The following CHPT1 variants were observed in gnomAD, a reference collection of about 807,000 sequenced individuals.
The protein encoded by CHPT1 is choline phosphotransferase 1.
CHPT1 carries 36 observed loss-of-function variants against 47.6 expected under a neutral mutation model. The ratio of observed to expected loss-of-function variants is 0.76; its 90% CI spans 0.58 to 1.00. The LOEUF is 1.00. Ranked by LOEUF, CHPT1 falls within the 50% of genes least tolerant of loss-of-function variation. The probability of loss-of-function intolerance (pLI) is 0.00; values close to 1 mark genes in which losing one functional copy is unlikely to be tolerated. For synonymous variants in CHPT1, 194 were observed against 186.3 expected (o/e 1.04, Z -0.33); for missense variants, 458 against 498.1 (o/e 0.92, Z 0.77).
Position 101,700,125 on chromosome 12 carries a change from G to C in CHPT1, c.273+1991G>C, listed in dbSNP as rs551640893. ...TGATTGGGTCCAGATTTAGCTAACA[G>C]CATTTGAATGTTTCTGATATTGGCC... is the stretch of plus-strand genomic sequence containing the variant. On this transcript the variant is annotated intron_variant, in intron 1 of 8. Transcript: ENST00000229266. 2.0e-5 allele frequency among the ~76,000 whole-genome samples: 3 copies of C among 152,230 alleles called. No homozygotes were observed. The South Asian group carries it at 6.2e-4, about 32-fold the overall frequency.
chr12:101,704,613 C>G (rs1951605317), intron 1 of CHPT1, among the ~76,000 whole-genome samples: 1 of 147,128 alleles, frequency 6.8e-6, no homozygotes, highest in Non-Finnish European at 1.5e-5. Flanking sequence ...GTTGGTCAGG[C>G]TGGGCTCGAA....
chr12:101,713,618 T>A (rs1951724211), intron 1 of CHPT1, among the ~76,000 whole-genome samples: 1 of 151,780 alleles, frequency 6.6e-6, no homozygotes, highest in Non-Finnish European at 1.5e-5. Context: ...GTTTGAAAAC[T>A]GTTTTTTGTT....
rs12300730 is a variant in CHPT1 at position 101,715,663 on chromosome 12, A to G, written c.563+1018A>G. ...AAATCTACAGCTCAGGAAAAAATGT[A>G]GATTGGAGATAAGGATTTAGAAGTC... On this transcript the variant is annotated intron_variant, in intron 3 of 8. Transcript: ENST00000229266. Among the ~76,000 whole-genome samples, 894 of 152,328 alleles carry G rather than the reference A, an allele frequency of 5.9e-3. 6 individuals are homozygous for G. The highest frequency in any genetic ancestry group is 0.021 in the African/African-American group (858 of 41,574).
intron 4 of CHPT1, 29 bp downstream of exon 4, chr12:101,716,841 A>G: frequency 7.4e-7 from 1 of 1,346,050 alleles, no homozygotes; most frequent in South Asian, 1.4e-5. Flanking sequence ...ATTTATATTT[A>G]AGTACTTTTC....
chr12:101,720,062 A>T, intron 4 of CHPT1, 61 bp from the exon 5 acceptor site: 2 of 1,176,464 alleles, frequency 1.7e-6, no homozygotes, highest in Non-Finnish European at 2.4e-6. Flanking sequence ...ATGTTTCTTT[A>T]TTATTTAATA....
chr12:101,710,105 G>A (rs530999010), intron 1 of CHPT1, among the ~76,000 whole-genome samples: 1 of 149,314 alleles, frequency 6.7e-6, no homozygotes, highest in African/African-American at 2.4e-5. Context: ...AGCACTTTGG[G>A]AGGCTGAGGC....
intron 1 of CHPT1, among the ~76,000 whole-genome samples, chr12:101,709,086 G>A (rs1052821834): frequency 2.0e-5 from 3 of 148,466 alleles, no homozygotes; most frequent in African/African-American, 7.3e-5. Context: ...AGGCTCTGTA[G>A]CTCCCGTTTC....
rs1005651319 is a variant in CHPT1 at position 101,714,350 on chromosome 12, T to A, written c.421+113T>A. 2.5e-6 allele frequency: 3 copies of A among 1,198,318 alleles called. No homozygotes were observed. The African/African-American group carries it at 4.6e-5, about 18-fold the overall frequency. 74.2% of individuals were successfully genotyped at this position (1,198,318 alleles called of 1,614,324 possible). On this transcript the variant is annotated intron_variant, in intron 2 of 8. Coordinates refer to ENST00000229266, the MANE Select transcript of CHPT1 (RefSeq NM_020244.3). ...ATTTGGGAGCAAATGTATGGAGTTG[T>A]TTAAAAAGTATGTCAAGAATTCATT... is the stretch of plus-strand genomic sequence containing the variant.
chr12:101,722,277 TATA>T (rs1951862152), intron 5 of CHPT1, among the ~76,000 whole-genome samples: 1 of 152,164 alleles, frequency 6.6e-6, no homozygotes, highest in South Asian at 2.1e-4. Flanking sequence ...TATATAATTT[TATA>T]ATATGGTATT....
chr12:101,709,903 A>G (rs1333563487), intron 1 of CHPT1, among the ~76,000 whole-genome samples: 1 of 148,920 alleles, frequency 6.7e-6, no homozygotes, highest in African/African-American at 2.4e-5. Context: ...GGAAGACCCG[A>G]TCTAGTTCCT....
At chr12:101,713,749 T>G (rs1951726618) in intron 1 of CHPT1, among the ~76,000 whole-genome samples, 1 of 152,198 alleles carries the variant, frequency 6.6e-6, no homozygotes, top group Non-Finnish European at 1.5e-5. Context: ...CCCTAAGGTC[T>G]TTTTTCACAG....
rs1185899909 is a variant in CHPT1 at position 101,711,125 on chromosome 12, T to C, written c.274-2965T>C. 1.3e-5 allele frequency among the ~76,000 whole-genome samples: 2 copies of C among 148,292 alleles called. 1 individual carries two copies. Among genetic ancestry groups the C allele is most frequent in the Non-Finnish European group, 3.0e-5 (2 of 66,340 alleles). On this transcript the variant is annotated intron_variant, in intron 1 of 8. Coordinates refer to ENST00000229266, the MANE Select transcript of CHPT1 (RefSeq NM_020244.3). ...TGAAATTGGACCTTATATTACACTG[T>C]ATACAAAAATAAACTCAAAATGGAT...
At chr12:101,707,400 AG>A (rs1201978138) in intron 1 of CHPT1, among the ~76,000 whole-genome samples, 2 of 152,228 alleles carry the variant, frequency 1.3e-5, no homozygotes, top group African/African-American at 4.8e-5. Context: ...AGTGGCCAGA[AG>A]AGCTGTTCCT....
intron 1 of CHPT1, among the ~76,000 whole-genome samples, chr12:101,702,302 A>G (rs368680059): frequency 2.0e-5 from 3 of 152,308 alleles, no homozygotes; most frequent in East Asian, 1.9e-4. Context: ...ATCTGTGCAT[A>G]TAAATCCATG....
At chr12:101,724,894 T>C (rs1459680564) in intron 7 of CHPT1, among the ~76,000 whole-genome samples, 1 of 152,222 alleles carries the variant, frequency 6.6e-6, no homozygotes, top group Non-Finnish European at 1.5e-5. Flanking sequence ...ACATTTTTTT[T>C]CTATTGAGAC....
chr12:101,721,338 A>G (rs1951848826), intron 5 of CHPT1, among the ~76,000 whole-genome samples: 1 of 152,172 alleles, frequency 6.6e-6, no homozygotes, highest in Admixed American at 6.5e-5. Context: ...TAGCATATTC[A>G]CTTTAATTTC....
chr12:101,704,404 CTTT>C (rs762770896), intron 1 of CHPT1, among the ~76,000 whole-genome samples: 1 of 140,080 alleles, frequency 7.1e-6, no homozygotes. Flanking sequence ...TGCTATTTTT[CTTT>C]TTTTTTTTTT....
At chr12:101,718,681 A>G (rs1386861445) in intron 4 of CHPT1, among the ~76,000 whole-genome samples, 6 of 151,894 alleles carry the variant, frequency 4.0e-5, no homozygotes, top group African/African-American at 1.2e-4. Context: ...AAAAAAAAAA[A>G]AGATTTCCCT....
intron 1 of CHPT1, among the ~76,000 whole-genome samples, chr12:101,699,354 TG>T (rs1566033844): frequency 6.6e-6 from 1 of 150,976 alleles, no homozygotes; most frequent in African/African-American, 2.5e-5. Context: ...TAAAATATCT[TG>T]TCAATGGATT....
Sources: allele counts gnomAD v4.1 joint callset (sites outside exome capture counted in the v4.1 genomes callset), GRCh38; gene constraint gnomAD v4.1.1; transcripts MANE v1.5; gene names NCBI Gene and HGNC (gene_info 2026-07-23, HGNC 2026-07-21).